The following GAS2L2 variants were observed in gnomAD, a reference collection of about 807,000 sequenced individuals.
The protein encoded by GAS2L2 is growth arrest specific 2 like 2.
A neutral mutation model predicts 35.2 loss-of-function variants in GAS2L2; 21 were observed. The observed-to-expected ratio is 0.60, with a 90% CI of 0.42 to 0.86. The LOEUF (loss-of-function observed/expected upper bound fraction) is 0.86. Ranked by LOEUF, GAS2L2 falls within the 40% of genes least tolerant of loss-of-function variation. The pLI is 0.00. For missense variants in GAS2L2, 1,169 were observed against 1,144.4 expected (o/e 1.02, Z -0.31); for synonymous variants, 490 against 473.2 (o/e 1.04, Z -0.46).
At position 35,745,192 on chromosome 17, in the gene GAS2L2, G is replaced by A. The variant is rs781980631; in HGVS notation, c.2305C>T (p.Pro769Ser). The A allele has an allele frequency of 1.9e-6, 3 of 1,611,132 alleles. No homozygotes were observed. Among genetic ancestry groups the A allele is most frequent in the Non-Finnish European group, 2.5e-6 (3 of 1,177,870 alleles). Reference sequence around the variant, plus strand: ...CTCAGCTTCAGCTTGTAGATGGACGGGACCCTCTTGGGCTTCCGGAGAGTT... The same window carrying A: ...CTCAGCTTCAGCTTGTAGATGGACGAGACCCTCTTGGGCTTCCGGAGAGTT... ...RRTLRKPKRV[P>S]SIYKLKLRPR... Residue 769 changes from proline to serine, a missense_variant, in exon 6 of 6, where the codon CCG becomes TCG. Pro to Ser is a moderately conservative substitution (Grantham distance 74, BLOSUM62 -1). Transcript: ENST00000604641.
chr17:35,748,390 A>AAGATAG (rs1555599325), intron 3 of GAS2L2, among the ~76,000 whole-genome samples: 1 of 152,220 alleles, frequency 6.6e-6, no homozygotes, highest in Non-Finnish European at 1.5e-5. Context: ...GTGGGGCCAC[A>AAGATAG]GGTTCTTGCC....
chr17:35,745,623 G>A lies in GAS2L2; in HGVS notation c.1874C>T (p.Thr625Ile). 4 of 1,613,940 alleles carry A rather than the reference G, an allele frequency of 2.5e-6. No individual in the cohort carries two copies. The highest frequency in any genetic ancestry group is 3.4e-6 in the Non-Finnish European group (4 of 1,180,034). ...ACTGCGAGGGATGACCCCAGACCTT[G>A]TGCCCTGCGGACAGGCACTCCTGAC... ...LEVRSACPQG[T>I]RSGVIPRSGV... is the part of the protein sequence containing the mutation. Residue 625 changes from threonine to isoleucine, a missense_variant, in exon 6 of 6, where the codon ACA (threonine) becomes ATA (isoleucine). Thr to Ile is a moderately conservative substitution (Grantham distance 89). This residue lies in a region of GAS2L2 where 1,035 missense variants were observed against 976.5 expected (regional missense o/e 1.06). Transcript: ENST00000604641.
Position 35,747,213 on chromosome 17 carries a change from T to C in GAS2L2, c.888A>G (p.Val296=). The C allele has an allele frequency of 6.2e-7, 1 of 1,610,266 alleles. No individual in the cohort carries two copies. Among genetic ancestry groups the C allele is most frequent in the Non-Finnish European group, 8.5e-7 (1 of 1,176,572 alleles). ...TCTGTGAGGGTCCATCCTGTACCCT[T>C]ACTTCATGCTGCACTGGTGGGGCCG... The part of the protein sequence containing the change: ...KPPAPPVQHE[V]RVQDGPSQTQ... The change falls in exon 5 of 6, where the codon GTA becomes GTG. Residue 296 remains valine (V), a synonymous_variant. Transcript: ENST00000604641.
Position 35,752,996 on chromosome 17 carries a change from C to T in GAS2L2, c.-146G>A. ...TGAGAGCCCGGGACCTCCAGTGCTG[C>T]TACTTGCCACTGGCTTCAGCTGCCA... On this transcript the variant is annotated 5_prime_UTR_variant, in exon 1 of 6. Coordinates refer to ENST00000604641, the MANE Select transcript of GAS2L2 (RefSeq NM_139285.4). The T allele has an allele frequency of 1.2e-6, 1 of 823,386 alleles. No homozygotes were observed. The highest frequency in any genetic ancestry group is 1.8e-6 in the Non-Finnish European group (1 of 542,446). The allele number at this position is 823,386 out of a possible 1,614,324, so 51.0% of individuals were successfully genotyped here.
chr17:35,749,687 G>A (rs1175266766), intron 2 of GAS2L2, among the ~76,000 whole-genome samples: 1 of 152,206 alleles, frequency 6.6e-6, no homozygotes, highest in East Asian at 1.9e-4. Context: ...CCATGCTGCA[G>A]ATAAGGGAAG....
Position 35,745,263 on chromosome 17 carries a change from T to C in GAS2L2, c.2234A>G (p.Asp745Gly). The C allele has an allele frequency of 1.2e-6, 2 of 1,609,850 alleles. No homozygotes were observed. Among genetic ancestry groups the C allele is most frequent in the East Asian group, 2.2e-5 (1 of 44,788 alleles). The change falls in exon 6 of 6, where the codon GAC becomes GGC. Residue 745 changes from aspartate to glycine, a missense_variant. Transcript: ENST00000604641. ...SPEAPTPSPL[D>G]PNSDKAKACL... is the part of the protein sequence containing the mutation. ...TGCCTTGGCTTTGTCAGAGTTGGGG[T>C]CCAAGGGCGAAGGTGTGGGGGCCTC...
In GAS2L2 at chr17:35,745,466, C is replaced by T. The variant is rs782602530; in HGVS notation, c.2031G>A (p.Pro677=). The change falls in exon 6 of 6, where the codon CCG becomes CCA. Residue 677 remains proline (P), a synonymous_variant. Transcript: ENST00000604641. The part of the protein sequence containing the change: ...KVDLEAWKAA[P]TGSPKPAVTP... The stretch of plus-strand genomic sequence containing the variant: ...TAACAGCTGGCTTAGGGGAGCCAGT[C>T]GGGGCTGCCTTCCAGGCTTCCAGGT... 48 of 1,589,982 alleles carry T rather than the reference C, an allele frequency of 3.0e-5. No individual in the cohort carries two copies. The highest frequency in any genetic ancestry group is 4.5e-5 in the East Asian group (2 of 44,596).
intron 4 of GAS2L2, 69 bp downstream of exon 4, chr17:35,747,780 C>A: frequency 7.6e-7 from 1 of 1,317,950 alleles, no homozygotes; most frequent in Non-Finnish European, 1.1e-6. Context: ...ACCTCTGCCT[C>A]CAGCCTCCCA....
chr17:35,747,402 C>T (rs1408536339), intron 4 of GAS2L2, 134 bp from the exon 5 acceptor site: 38 of 1,056,668 alleles, frequency 3.6e-5, no homozygotes, highest in East Asian at 1.5e-4. Flanking sequence ...GTGGCAACAC[C>T]GGAGTTTCTT....
In GAS2L2 at chr17:35,746,293, T is replaced by C. The variant is rs146645172; in HGVS notation, c.1204A>G (p.Lys402Glu). ...GRDPQCTSSGKREERYPPELP... is the reference protein window; with the variant it reads ...GRDPQCTSSGEREERYPPELP... Reference sequence around the variant, plus strand: ...TCAGGGGGGTATCTCTCCTCCCTCTTTCCTGACGAGGTACACTGTGGGTCT... The same window carrying C: ...TCAGGGGGGTATCTCTCCTCCCTCTCTCCTGACGAGGTACACTGTGGGTCT... The change falls in exon 6 of 6, where the codon AAG becomes GAG. Residue 402 changes from lysine (K) to glutamate (E), a missense_variant. Around this residue, in one of 3 missense-constraint regions of GAS2L2, gnomAD observed 1,035 missense variants for 976.5 expected, o/e 1.06. Transcript: ENST00000604641. 222 of 1,432,052 alleles carry C rather than the reference T, an allele frequency of 1.6e-4. No homozygotes were observed. Among genetic ancestry groups the C allele is most frequent in the Non-Finnish European group, 1.9e-4 (206 of 1,089,746 alleles). 88.7% of individuals were successfully genotyped at this position (1,432,052 alleles called of 1,614,324 possible). A position where few individuals can be genotyped will look rare whatever the true frequency, so the allele number is the denominator to read the frequency against.
intron 3 of GAS2L2, 28 bp downstream of exon 3, chr17:35,749,082 G>C (rs1555599388): frequency 9.0e-6 from 13 of 1,445,954 alleles, no homozygotes; most frequent in Non-Finnish European, 1.3e-5. Context: ...CTATTCTGGG[G>C]GTCCCTTGAC....
In GAS2L2 at chr17:35,744,531, A is replaced by C. The variant is rs1555598480; in HGVS notation, c.*323T>G. 1.8e-5 allele frequency: 5 copies of C among 274,976 alleles called. No homozygotes were observed. The allele number at this position is 274,976 out of a possible 1,614,324, so 17.0% of individuals were successfully genotyped here. A position where few individuals can be genotyped will look rare whatever the true frequency, so the allele number is the denominator to read the frequency against. On this transcript the variant is annotated 3_prime_UTR_variant, in exon 6 of 6. Transcript: ENST00000604641. ...GGGGCTCAAGGGCAGAATCACATGC[A>C]TTTAATAACTTATGGGAGTTATGGA... is the stretch of plus-strand genomic sequence containing the variant.
rs151183482 is a variant in GAS2L2 at position 35,745,895 on chromosome 17, G to T, written c.1602C>A (p.Asp534Glu). The change falls in exon 6 of 6, where the codon GAC becomes GAA. Residue 534 changes from aspartate to glutamate, a missense_variant. By Grantham distance (45) the Asp-to-Glu change is conservative (BLOSUM62 2). Transcript: ENST00000604641. ...CAGTGACGGCCCTTAGTGGGATGGG[G>T]TCTCTCCCAAGTTCTGTCCTGGGAC... is the stretch of plus-strand genomic sequence containing the variant. ...SGSPRTELGRDPIPLRAVTVD... is the reference protein window; with the variant it reads ...SGSPRTELGREPIPLRAVTVD... The T allele has an allele frequency of 6.2e-7, 1 of 1,613,340 alleles. No homozygotes were observed. Among genetic ancestry groups the T allele is most frequent in the Non-Finnish European group, 8.5e-7 (1 of 1,180,016 alleles).
intron 3 of GAS2L2, 112 bp downstream of exon 3, chr17:35,748,998 A>G (rs1419404873): frequency 7.6e-6 from 5 of 661,376 alleles, no homozygotes; most frequent in Non-Finnish European, 1.1e-5. Context: ...GGGAGGTGTC[A>G]TTGTTCCAAG....
At position 35,752,772 on chromosome 17, in the gene GAS2L2, T is replaced by C. The variant is rs782564447; in HGVS notation, c.79A>G (p.Ser27Gly). 6.2e-7 allele frequency: 1 copy of C among 1,613,812 alleles called. No individual in the cohort carries two copies. The highest frequency in any genetic ancestry group is 8.5e-7 in the Non-Finnish European group (1 of 1,180,016). The change falls in exon 1 of 6, where the codon AGT (serine) becomes GGT (glycine). Residue 27 changes from serine to glycine, a missense_variant. Ser to Gly is a moderately conservative substitution (Grantham distance 56, BLOSUM62 0). Transcript: ENST00000604641. ...TTCATGGCCTCCAGGTACTGCTCAC[T>C]CGACTTGAAAGGCCGGATACTGCAC... ...PVCSIRPFKSSEQYLEAMKED... is the reference protein window; with the variant it reads ...PVCSIRPFKSGEQYLEAMKED...
chr17:35,749,280 A>G, intron 2 of GAS2L2, 63 bp from the exon 3 acceptor site: 1 of 1,051,452 alleles, frequency 9.5e-7, no homozygotes, highest in Non-Finnish European at 1.4e-6. Context: ...TGGGGGGCCT[A>G]CCTGCCCCCC....
At position 35,747,235 on chromosome 17, in the gene GAS2L2, G is replaced by T. The variant is rs781847493; in HGVS notation, c.866C>A (p.Ala289Asp). Reference protein sequence around the residue: ...HKPGSFLKPPAPPVQHEVRVQ... With the variant: ...HKPGSFLKPPDPPVQHEVRVQ... ...CCTTACTTCATGCTGCACTGGTGGG[G>T]CCGGGGGCTTCAGGAAGCTGCCTGG... Residue 289 changes from alanine (A) to aspartate (D), a missense_variant, in exon 5 of 6, where the codon GCC becomes GAC. Around this residue, in one of 3 missense-constraint regions of GAS2L2, gnomAD observed 1,035 missense variants for 976.5 expected, o/e 1.06. Transcript: ENST00000604641. 2 of 1,612,974 alleles carry T rather than the reference G, an allele frequency of 1.2e-6. No individual in the cohort carries two copies. Among genetic ancestry groups the T allele is most frequent in the Non-Finnish European group, 8.5e-7 (1 of 1,179,396 alleles).
Position 35,746,219 on chromosome 17 carries a change from G to A in GAS2L2, c.1278C>T (p.Asp426=), listed in dbSNP as rs887583205. 5 of 1,480,188 alleles carry A rather than the reference G, an allele frequency of 3.4e-6. No individual in the cohort carries two copies. Among genetic ancestry groups the A allele is most frequent in the East Asian group, 2.3e-5 (1 of 43,328 alleles). The allele number at this position is 1,480,188 out of a possible 1,614,324, so 91.7% of individuals were successfully genotyped here. A position where few individuals can be genotyped will look rare whatever the true frequency, so the allele number is the denominator to read the frequency against. The change falls in exon 6 of 6, where the codon GAC becomes GAT. Residue 426 remains aspartate (D), a synonymous_variant. Coordinates refer to ENST00000604641, the MANE Select transcript of GAS2L2 (RefSeq NM_139285.4). ...IPTSWVHEET[D]SWGTDAGNPT... Reference sequence around the variant, plus strand: ...GGTTCCCGGCGTCGGTTCCCCAGCTGTCTGTTTCTTCATGAACCCAAGATG... The same window carrying A: ...GGTTCCCGGCGTCGGTTCCCCAGCTATCTGTTTCTTCATGAACCCAAGATG...
Position 35,750,114 on chromosome 17 carries a change from C to T in GAS2L2, c.590G>A (p.Arg197Lys). Reference protein sequence around the residue: ...PPDPSPPAPPRRQPCHFRNLD... With the variant: ...PPDPSPPAPPKRQPCHFRNLD... ...GTTGCGGAAGTGGCAGGGCTGGCGCCTGGGGGGCGCTGGCGGCGAGGGGTC... is the reference window on the plus strand; with the variant it reads ...GTTGCGGAAGTGGCAGGGCTGGCGCTTGGGGGGCGCTGGCGGCGAGGGGTC... The change falls in exon 2 of 6, where the codon AGG becomes AAG. Residue 197 changes from arginine (R) to lysine (K), a missense_variant. By Grantham distance (26) the Arg-to-Lys change is conservative. Transcript: ENST00000604641. 1 of 1,599,550 alleles carries T rather than the reference C, an allele frequency of 6.3e-7. No individual in the cohort carries two copies. Among genetic ancestry groups the T allele is most frequent in the Non-Finnish European group, 8.5e-7 (1 of 1,175,798 alleles).
Sources: gnomAD v4.1 joint callset for allele counts (sites outside exome capture counted in the v4.1 genomes callset) on GRCh38, gnomAD v4.1.1 for gene constraint, gnomAD v4.1.1 regional missense constraint, MANE v1.5 for transcripts, NCBI Gene and HGNC (gene_info 2026-07-23, HGNC 2026-07-21) for gene names.